The following CD163 variants were observed in gnomAD, a reference collection of about 807,000 sequenced individuals.
The protein encoded by CD163 is CD163 molecule, also known as scavenger receptor cysteine-rich type 1 protein M130.
CD163 carries 64 observed loss-of-function variants against 129.2 expected under a neutral mutation model. That is an observed-to-expected ratio of 0.50 (90% CI 0.41 to 0.61). The LOEUF is 0.61. CD163 is among the 20% of genes least tolerant of loss of function. The pLI, the probability that CD163 is intolerant of heterozygous loss-of-function variation, is 0.00. For synonymous variants in CD163, 446 were observed against 478.5 expected (o/e 0.93, Z 0.89); for missense variants, 1,061 against 1,377.9 (o/e 0.77, Z 3.64).
intron 16 of CD163, among the ~76,000 whole-genome samples, chr12:7,475,267 C>T (rs1020864278): frequency 1.3e-5 from 2 of 152,118 alleles, no homozygotes; most frequent in Non-Finnish European, 2.9e-5. Flanking sequence ...ACACCAAAAC[C>T]TGGCAGAGAC....
In CD163 at chr12:7,486,780, C is replaced by T. The variant is rs776582425; in HGVS notation, c.2177G>A (p.Gly726Asp). Residue 726 changes from glycine to aspartate, a missense_variant, in exon 10 of 17, where the codon GGT (glycine) becomes GAT (aspartate). Coordinates refer to ENST00000432237, the MANE Select transcript of CD163 (RefSeq NM_203416.4). ...GATCTCTACTCTCCCAGCACAGCGA[C>T]CTCCTCCATTTACCAGGCGAAGTTG... The part of the protein sequence containing the change: ...SGQLRLVNGG[G>D]RCAGRVEIYH... 6.2e-7 allele frequency: 1 copy of T among 1,611,708 alleles called. No homozygotes were observed. The highest frequency in any genetic ancestry group is 1.1e-5 in the South Asian group (1 of 90,978).
chr12:7,500,421 C>CAAAA (rs71953455), intron 3 of CD163, among the ~76,000 whole-genome samples: 699 of 64,052 alleles, frequency 0.011, 20 homozygotes, highest in East Asian at 0.029. Context: ...CAATTCGTCC[C>CAAAA]AAAAAAAAAA....
At chr12:7,494,439 G>A (rs569628001) in intron 6 of CD163, among the ~76,000 whole-genome samples, 4 of 152,106 alleles carry the variant, frequency 2.6e-5, no homozygotes, top group South Asian at 4.1e-4. Context: ...CATGCAGCAC[G>A]TACAAGTTTC....
At chr12:7,474,850 G>C (rs1949062986) in intron 16 of CD163, among the ~76,000 whole-genome samples, 1 of 151,966 alleles carries the variant, frequency 6.6e-6, no homozygotes, top group Admixed American at 6.6e-5. Context: ...AAGAAGAAAA[G>C]AGAGAAGAAT....
At chr12:7,474,165 G>A (rs1949052039) in intron 16 of CD163, among the ~76,000 whole-genome samples, 1 of 152,100 alleles carries the variant, frequency 6.6e-6, no homozygotes, top group Non-Finnish European at 1.5e-5. Context: ...ATATTAGACA[G>A]ATCAATGAGA....
At position 7,485,956 on chromosome 12, in the gene CD163, T is replaced by C. The variant is rs1374297584; in HGVS notation, c.2459-540A>G. Among the ~76,000 whole-genome samples the C allele has an allele frequency of 2.0e-5, 3 of 152,198 alleles. No homozygotes were observed. The highest frequency in any genetic ancestry group is 2.9e-5 in the Non-Finnish European group (2 of 68,042). On this transcript the variant is annotated intron_variant, in intron 10 of 16. Coordinates refer to ENST00000432237, the MANE Select transcript of CD163 (RefSeq NM_203416.4). This position sits in a 1 kb window ranked among gnomAD's most constrained non-coding sequence, Gnocchi z 4.5. ...ATAGTTCTGTTCCCCATAATACATA[T>C]GAAATAGTACATTTTTAAATTTCAG...
chr12:7,486,397 G>T, intron 10 of CD163, 102 bp downstream of exon 10: 1 of 1,165,934 alleles, frequency 8.6e-7, no homozygotes, highest in Non-Finnish European at 1.2e-6. Flanking sequence ...AGTTCCTTTT[G>T]GATCAACTTT....
chr12:7,475,010 C>G (rs1949065123), intron 16 of CD163, among the ~76,000 whole-genome samples: 1 of 150,384 alleles, frequency 6.6e-6, no homozygotes, highest in Non-Finnish European at 1.5e-5. Flanking sequence ...CATACATCCT[C>G]CCAAGACTAA....
intron 3 of CD163, among the ~76,000 whole-genome samples, chr12:7,500,370 G>A (rs954282561): frequency 3.0e-5 from 4 of 133,154 alleles, no homozygotes; most frequent in East Asian, 2.2e-4. Flanking sequence ...GCAGTGAGCC[G>A]AGATAGCGCC....
chr12:7,488,556 C>T (rs780143595), intron 6 of CD163, among the ~76,000 whole-genome samples: 31 of 152,238 alleles, frequency 2.0e-4, no homozygotes, highest in Admixed American at 7.2e-4. Context: ...TTCCTTTTGA[C>T]GTCTGTTACG....
rs1592014284 is a variant in CD163, at chr12:7,501,568, A to T, written c.134-106T>A. On this transcript the variant is annotated intron_variant, in intron 2 of 16. Transcript: ENST00000432237. ...TCCTTCAAACTCAGATTTGAGAACCATCCTAGTCCTATCCATGGTAAAACA... is the reference window on the plus strand; with the variant it reads ...TCCTTCAAACTCAGATTTGAGAACCTTCCTAGTCCTATCCATGGTAAAACA... The T allele has an allele frequency of 5.0e-5, 39 of 772,690 alleles. No individual in the cohort carries two copies. The East Asian group carries it at 9.4e-4, about 19-fold the overall frequency. 47.9% of individuals were successfully genotyped at this position (772,690 alleles called of 1,614,324 possible).
intron 16 of CD163, among the ~76,000 whole-genome samples, chr12:7,473,901 C>CA (rs1050767074): frequency 8.0e-5 from 12 of 150,230 alleles, no homozygotes; most frequent in African/African-American, 2.0e-4. Context: ...AAATGGAAAA[C>CA]AAAAAAAAGA....
intron 14 of CD163, 74 bp from the exon 15 acceptor site, chr12:7,481,330 C>T: frequency 9.4e-7 from 1 of 1,066,790 alleles, no homozygotes. Context: ...GTGTTTTTTC[C>T]AAGCGCTGCA....
chr12:7,487,039 A>G lies in CD163; in HGVS notation c.2051-53T>C. The G allele has an allele frequency of 7.2e-7, 1 of 1,391,360 alleles. No homozygotes were observed. The highest frequency in any genetic ancestry group is 1.2e-5 in the South Asian group (1 of 83,850). The allele number at this position is 1,391,360 out of a possible 1,614,324, so 86.2% of individuals were successfully genotyped here. A position where few individuals can be genotyped will look rare whatever the true frequency, so the allele number is the denominator to read the frequency against. On this transcript the variant is annotated intron_variant, in intron 8 of 16. Transcript: ENST00000432237. This position sits in a 1 kb window ranked among gnomAD's most constrained non-coding sequence, Gnocchi z 5.1. ...CAAGACACAAAAGGTTAGGGGAGTC[A>G]GATGAAATGTTATATGGATGAGTTG...
At chr12:7,491,711 C>T (rs1434003774) in intron 6 of CD163, among the ~76,000 whole-genome samples, 1 of 152,044 alleles carries the variant, frequency 6.6e-6, no homozygotes, top group Admixed American at 6.6e-5. Context: ...GCTTTTCAGA[C>T]TCTGAAGAAG....
At chr12:7,497,179 A>T in intron 4 of CD163, 46 bp from the exon 5 acceptor site, 1 of 1,491,028 alleles carries the variant, frequency 6.7e-7, no homozygotes, top group Non-Finnish European at 9.2e-7. Context: ...AAGCAAGAAC[A>T]TGAGACTATA....
At chr12:7,481,286 CAGCTA>C in intron 14 of CD163, 30 bp from the exon 15 acceptor site, 8 of 1,551,596 alleles carry the variant, frequency 5.2e-6, no homozygotes, top group Non-Finnish European at 7.1e-6. Flanking sequence ...GGTTAGGGAT[CAGCTA>C]TCATAATAAA....
At chr12:7,483,825 G>GTGTATATATATATATATATATATATA (rs1555076524) in intron 11 of CD163, 150 bp from the exon 12 acceptor site, 1 of 68,414 alleles carries the variant, frequency 1.5e-5, no homozygotes, top group African/African-American at 4.4e-5. Context: ...ATATATATAT[G>GTGTATATATATATATATATATATATA]TATATATATA....
intron 11 of CD163, 166 bp from the exon 12 acceptor site, chr12:7,483,841 A>ATATATATATATTTTTT (rs1442991429): frequency 9.1e-6 from 1 of 109,990 alleles, no homozygotes; most frequent in African/African-American, 3.8e-5. Context: ...ATATATATAT[A>ATATATATATATTTTTT]TTTTTTTTTT....
Sources: allele counts gnomAD v4.1 joint callset (sites outside exome capture counted in the v4.1 genomes callset), GRCh38; gene constraint gnomAD v4.1.1; non-coding constraint Gnocchi (gnomAD v3.1); transcripts MANE v1.5; gene names NCBI Gene and HGNC (gene_info 2026-07-23, HGNC 2026-07-21).